Variants in PTK2B observed in about 807,000 individuals in gnomAD.
PTK2B encodes protein-tyrosine kinase 2-beta.
PTK2B carries 71 observed loss-of-function variants against 142.9 expected under a neutral mutation model. The ratio of observed to expected loss-of-function variants is 0.50; its 90% CI spans 0.41 to 0.61. The LOEUF (loss-of-function observed/expected upper bound fraction) is 0.61. Among genes scored for constraint, PTK2B ranks in the 20% least tolerant of loss-of-function variants. The pLI is 0.00. For missense variants in PTK2B, 1,105 were observed against 1,320.4 expected, an observed-to-expected ratio of 0.84 and a Z score of 2.53; for synonymous variants, 519 against 503.4, an observed-to-expected ratio of 1.03 and a Z score of -0.42.
chr8:27,430,479 A>T lies in PTK2B; in HGVS notation c.669+61A>T. 5 of 1,600,644 alleles carry T rather than the reference A, an allele frequency of 3.1e-6. No homozygotes were observed. In the East Asian group the frequency reaches 8.9e-5, roughly 29 times the overall value. ...GATTCCCGAGACTAGAGTGTAAGGG[A>T]TGAGGCTGGGGCTGGGGATACTCAG... On this transcript the variant is annotated intron_variant, in intron 7 of 30. Coordinates refer to ENST00000346049, the MANE Select transcript of PTK2B (RefSeq NM_173176.3).
At chr8:27,433,953 C>T (rs1019488022) in intron 11 of PTK2B, 140 bp from the exon 12 acceptor site, 33 of 1,201,084 alleles carry the variant, frequency 2.7e-5, no homozygotes, top group South Asian at 6.2e-5. Context: ...CAAGGCCTCA[C>T]TAGCTCCCAG....
chr8:27,368,267 C>G (rs1248158888), intron 1 of PTK2B, among the ~76,000 whole-genome samples: 1 of 152,196 alleles, frequency 6.6e-6, no homozygotes, highest in Non-Finnish European at 1.5e-5. Context: ...ACAAGGACTC[C>G]CTCCTTGACC....
chr8:27,320,980 CTTTTTTTTTTT>C (rs776395346), upstream of PTK2B, among the ~76,000 whole-genome samples: 84 of 39,408 alleles, frequency 2.1e-3, 3 homozygotes, highest in African/African-American at 7.9e-3. Flanking sequence ...ATACAAAAGG[CTTTTTTTTTTT>C]TTTTTTTTTT....
chr8:27,440,190 G>C lies in PTK2B; in HGVS notation c.1835-47G>C, dbSNP rs373597260. 47 of 1,578,834 alleles carry C rather than the reference G, an allele frequency of 3.0e-5. No homozygotes were observed. In the African/African-American group the frequency reaches 5.5e-4, roughly 19 times the overall value. On this transcript the variant is annotated intron_variant, in intron 20 of 30. Transcript: ENST00000346049. ...ATGGCGATGGTGCTTCTGGGTGGGA[G>C]GGACTGGTCTCCCCCACCCAGGGCC... is the stretch of plus-strand genomic sequence containing the variant.
At chr8:27,453,939 C>G (rs1379202943) in intron 28 of PTK2B, 1 of 582,822 alleles carries the variant, frequency 1.7e-6, no homozygotes, top group South Asian at 2.1e-5. Flanking sequence ...TGTTGTGAGG[C>G]TACCACTAGT....
chr8:27,453,243 G>T, intron 28 of PTK2B, 83 bp downstream of exon 28: 4 of 1,552,490 alleles, frequency 2.6e-6, no homozygotes, highest in African/African-American at 1.4e-5. Context: ...AAGATTCACA[G>T]TTCTCAGATA....
rs375287456 is a variant in PTK2B at position 27,319,150 on chromosome 8, C to T, written c.-413-3252C>T. 3.7e-3 allele frequency among the ~76,000 whole-genome samples: 560 copies of T among 152,032 alleles called. 4 individuals carry two copies. The highest frequency in any genetic ancestry group is 0.013 in the African/African-American group (544 of 41,454). Reference sequence around the variant, plus strand: ...TTTTGTTCATTTTTTTTAACTTTTTCATTATGTGCAGTTTCAAATGCACTC... The same window carrying T: ...TTTTGTTCATTTTTTTTAACTTTTTTATTATGTGCAGTTTCAAATGCACTC... On this transcript the variant is annotated intron_variant, in intron 3 of 35. Transcript: ENST00000397501.
upstream of PTK2B, chr8:27,310,726 G>T: frequency 6.8e-7 from 1 of 1,464,210 alleles, no homozygotes; most frequent in Non-Finnish European, 9.2e-7. Context: ...AGGCAGGAGG[G>T]GCGGGAGCCG....
At position 27,448,042 on chromosome 8, in the gene PTK2B, C is replaced by A. The variant is rs545633450; in HGVS notation, c.2340+2123C>A. ...AATGCAAGCCAGAAGGTCGTGGGTA[C>A]CACAAAGTGGGAGTTCAGAGAGGAG... On this transcript the variant is annotated intron_variant, in intron 24 of 30. Transcript: ENST00000346049. Among the ~76,000 whole-genome samples, 3 of 152,280 alleles carry A rather than the reference C, an allele frequency of 2.0e-5. No individual in the cohort carries two copies. In the East Asian group the frequency reaches 5.8e-4, roughly 29 times the overall value.
At chr8:27,350,323 G>A (rs1185530904) in intron 1 of PTK2B, among the ~76,000 whole-genome samples, 1 of 152,214 alleles carries the variant, frequency 6.6e-6, no homozygotes, top group South Asian at 2.1e-4. Context: ...AACCTTGAAG[G>A]TTGGGAGTCT....
intron 1 of PTK2B, among the ~76,000 whole-genome samples, chr8:27,370,903 A>G (rs924221829): frequency 6.6e-6 from 1 of 151,868 alleles, no homozygotes; most frequent in African/African-American, 2.4e-5. Context: ...TAGTCTTTTT[A>G]GTTTATTTTT....
In PTK2B at chr8:27,363,968, C is replaced by T. The variant is rs1313646299; in HGVS notation, c.-37-33580C>T. Among the ~76,000 whole-genome samples the T allele has an allele frequency of 6.6e-6, 1 of 152,210 alleles. No individual in the cohort carries two copies. Among genetic ancestry groups the T allele is most frequent in the African/African-American group, 2.4e-5 (1 of 41,452 alleles). ...TGTCTTGACACATGCGCACAAGCAG[C>T]TCCCCCAAGTTAAGAGCCTGTGTAT... On this transcript the variant is annotated intron_variant, in intron 1 of 30. Transcript: ENST00000346049. The surrounding 1 kb of genome is among the most constrained non-coding windows in gnomAD (Gnocchi z 4.3).
chr8:27,453,280 C>A, intron 28 of PTK2B, 120 bp downstream of exon 28: 1 of 1,346,776 alleles, frequency 7.4e-7, no homozygotes. Flanking sequence ...CCTCATGATA[C>A]AGATGAAGCC....
chr8:27,377,365 A>G (rs1441199965), intron 1 of PTK2B, among the ~76,000 whole-genome samples: 2 of 152,326 alleles, frequency 1.3e-5, no homozygotes, highest in African/African-American at 4.8e-5. Context: ...TCTGGGAAAG[A>G]TAGTGCTAAC....
chr8:27,337,846 G>A (rs976593549), intron 1 of PTK2B, among the ~76,000 whole-genome samples: 29 of 151,782 alleles, frequency 1.9e-4, no homozygotes, highest in Admixed American at 5.9e-4. Context: ...AAGTTTTTTT[G>A]TGGACATATG....
chr8:27,421,741 A>G (rs1223267867), intron 4 of PTK2B, among the ~76,000 whole-genome samples: 1 of 152,236 alleles, frequency 6.6e-6, no homozygotes, highest in East Asian at 1.9e-4. Context: ...AAACTTCTGA[A>G]AACTTAATAA....
chr8:27,366,724 G>T (rs1403445227), intron 1 of PTK2B, among the ~76,000 whole-genome samples: 1 of 152,152 alleles, frequency 6.6e-6, no homozygotes. Context: ...TGAAATTTCT[G>T]AGCACACACA....
At chr8:27,311,304 G>T, upstream of PTK2B, 1 of 1,431,242 alleles carries the variant, frequency 7.0e-7, no homozygotes, top group South Asian at 1.5e-5. Flanking sequence ...GGCTGCCAAC[G>T]CCCGCGACCC....
chr8:27,317,864 A>G (rs1267217754), intron 3 of PTK2B, among the ~76,000 whole-genome samples: 1 of 152,236 alleles, frequency 6.6e-6, no homozygotes, highest in Non-Finnish European at 1.5e-5. Flanking sequence ...GGAGTGGTAC[A>G]GGAATAGACA....
Sources: allele counts gnomAD v4.1 joint callset (sites outside exome capture counted in the v4.1 genomes callset), GRCh38; gene constraint gnomAD v4.1.1; non-coding constraint Gnocchi (gnomAD v3.1); transcripts MANE v1.5; gene names NCBI Gene and HGNC (gene_info 2026-07-23, HGNC 2026-07-21).